Variants in PGAP1 observed in about 807,000 individuals in gnomAD.
PGAP1 encodes the protein GPI inositol-deacylase.
A neutral mutation model predicts 127.0 loss-of-function variants in PGAP1; 76 were observed. The ratio of observed to expected loss-of-function variants is 0.60; its 90% CI spans 0.50 to 0.72. The LOEUF (loss-of-function observed/expected upper bound fraction) is 0.72, where lower values mean the gene tolerates loss of function less well. PGAP1 is among the 30% of genes least tolerant of loss of function. The pLI is 0.00. For synonymous variants in PGAP1, 362 were observed against 366.5 expected, an observed-to-expected ratio of 0.99 and a Z score of 0.14; for missense variants, 982 against 1,071.3, an observed-to-expected ratio of 0.92 and a Z score of 1.16.
chr2:196,923,279 T>C, intron 1 of PGAP1, among the ~76,000 whole-genome samples: 1 of 152,188 alleles, frequency 6.6e-6, no homozygotes, highest in Non-Finnish European at 1.5e-5. Context: ...CATTACCACC[T>C]TCACATATAC....
In PGAP1 at chr2:196,844,055, T is replaced by TTA. The variant is rs767774867; in HGVS notation, c.2357_2358insTA (p.Arg786SerfsTer35). 27 of 1,586,110 alleles carry TTA rather than the reference T, an allele frequency of 1.7e-5. No homozygotes were observed. Among genetic ancestry groups the TTA allele is most frequent in the African/African-American group, 2.7e-5 (2 of 74,360 alleles). On this transcript the variant is annotated frameshift_variant, in exon 25 of 27. Coordinates refer to ENST00000354764, the MANE Select transcript of PGAP1 (RefSeq NM_024989.4). LOFTEE classifies it high-confidence loss of function. Reference sequence around the variant, plus strand: ...TATGATGATTGGATTTCTTTTCACTTCTTCTAGAGTGTTTGGGATTCTATA... The same window carrying TTA: ...TATGATGATTGGATTTCTTTTCACTTTACTTCTAGAGTGTTTGGGATTCTATA...
rs1700390962 is a variant in PGAP1, at chr2:196,840,878, T to C, written c.*356A>G. The C allele has an allele frequency of 5.8e-6, 1 of 173,136 alleles. No homozygotes were observed. The highest frequency in any genetic ancestry group is 1.2e-5 in the Non-Finnish European group (1 of 82,554). The allele number at this position is 173,136 out of a possible 1,614,324, so 10.7% of individuals were successfully genotyped here. A position where few individuals can be genotyped will look rare whatever the true frequency, so the allele number is the denominator to read the frequency against. On this transcript the variant is annotated 3_prime_UTR_variant, in exon 27 of 27. Transcript: ENST00000354764. ...AAGTTTGATGAAATGAGCAGAATGCTTGCAGTGAGACTGCAAATAATGCTG... is the reference window on the plus strand; with the variant it reads ...AAGTTTGATGAAATGAGCAGAATGCCTGCAGTGAGACTGCAAATAATGCTG...
At chr2:196,898,417 C>G in intron 5 of PGAP1, 48 bp from the exon 6 acceptor site, 1 of 1,290,214 alleles carries the variant, frequency 7.8e-7, no homozygotes, top group Non-Finnish European at 1.1e-6. Flanking sequence ...ATTTGTTATT[C>G]TCTAAAAGGT....
intron 4 of PGAP1, among the ~76,000 whole-genome samples, chr2:196,912,586 A>AG (rs1559369442): frequency 8.2e-6 from 1 of 121,720 alleles, no homozygotes; most frequent in East Asian, 2.1e-4. Flanking sequence ...TCTTTAAAAA[A>AG]AAAAAAAAAA....
chr2:196,890,787 T>A (rs1368507145), intron 10 of PGAP1, 41 bp downstream of exon 10: 3 of 1,150,790 alleles, frequency 2.6e-6, no homozygotes, highest in Non-Finnish European at 3.9e-6. Context: ...TGAACAACAG[T>A]TAGCCTCTTA....
chr2:196,922,595 C>CAG (rs1288779135), intron 1 of PGAP1: 4 of 830,674 alleles, frequency 4.8e-6, no homozygotes, highest in South Asian at 5.4e-5. Context: ...CACACACACA[C>CAG]ACACACACAC....
chr2:196,881,598 T>C (rs970665044), intron 12 of PGAP1, among the ~76,000 whole-genome samples: 9 of 152,242 alleles, frequency 5.9e-5, no homozygotes, highest in Admixed American at 4.6e-4. Flanking sequence ...GTGGTTTTGA[T>C]TTGCATTTCT....
At chr2:196,919,159 C>T (rs892511188) in intron 2 of PGAP1, among the ~76,000 whole-genome samples, 5 of 152,130 alleles carry the variant, frequency 3.3e-5, no homozygotes, top group Admixed American at 6.5e-5. Context: ...TATCTTCTAC[C>T]TCCTGAGTCT....
intron 20 of PGAP1, among the ~76,000 whole-genome samples, chr2:196,863,347 T>A (rs892351886): frequency 4.6e-5 from 7 of 151,992 alleles, no homozygotes; most frequent in African/African-American, 1.7e-4. Flanking sequence ...AGTGAATGGA[T>A]AAAGAAAATG....
chr2:196,868,999 A>G (rs1257112812), intron 19 of PGAP1, among the ~76,000 whole-genome samples: 2 of 152,190 alleles, frequency 1.3e-5, no homozygotes, highest in Non-Finnish European at 2.9e-5. Flanking sequence ...ATTTTTTTAT[A>G]GAACTAAGCT....
At chr2:196,867,336 G>T (rs966734143) in intron 19 of PGAP1, among the ~76,000 whole-genome samples, 1 of 152,172 alleles carries the variant, frequency 6.6e-6, no homozygotes, top group East Asian at 1.9e-4. Context: ...GGACATGGAT[G>T]AAGCTGGAAA....
At chr2:196,903,285 A>G (rs1404177068) in intron 4 of PGAP1, among the ~76,000 whole-genome samples, 2 of 151,870 alleles carry the variant, frequency 1.3e-5, no homozygotes, top group East Asian at 3.8e-4. Context: ...ATCCCTCCCT[A>G]TGATGGCAGT....
chr2:196,893,762 T>C (rs1702178739), intron 7 of PGAP1, among the ~76,000 whole-genome samples: 1 of 152,162 alleles, frequency 6.6e-6, no homozygotes, highest in Non-Finnish European at 1.5e-5. Context: ...ATTACTCTCT[T>C]TTATTCTATC....
chr2:196,905,590 G>A (rs562031581), intron 4 of PGAP1, among the ~76,000 whole-genome samples: 1 of 152,178 alleles, frequency 6.6e-6, no homozygotes, highest in Non-Finnish European at 1.5e-5. Context: ...TAATGCGGGA[G>A]GGAGGAGCCA....
intron 5 of PGAP1, among the ~76,000 whole-genome samples, chr2:196,900,907 A>G (rs1702465174): frequency 6.6e-6 from 1 of 152,182 alleles, no homozygotes; most frequent in Admixed American, 6.5e-5. Context: ...AGCCTGGGCT[A>G]CAGAGCGAGA....
intron 7 of PGAP1, 126 bp from the exon 8 acceptor site, chr2:196,893,371 C>CT (rs1702166483): frequency 4.1e-6 from 2 of 483,394 alleles, no homozygotes; most frequent in Non-Finnish European, 7.4e-6. Context: ...GTTCTGAGCA[C>CT]TGTACATAAA....
At chr2:196,900,485 T>C (rs1576177115) in intron 5 of PGAP1, among the ~76,000 whole-genome samples, 1 of 152,222 alleles carries the variant, frequency 6.6e-6, no homozygotes, top group South Asian at 2.1e-4. Context: ...TTAAAGGGAA[T>C]ATACATGTAG....
chr2:196,898,298 T>C lies in PGAP1; in HGVS notation c.860+19A>G. 1 of 1,565,940 alleles carries C rather than the reference T, an allele frequency of 6.4e-7. No individual in the cohort carries two copies. Among genetic ancestry groups the C allele is most frequent in the South Asian group, 1.1e-5 (1 of 88,162 alleles). On this transcript the variant is annotated intron_variant, in intron 6 of 26. Transcript: ENST00000354764. ...ACCATGACAACTCATCAAAACAAGT[T>C]ATACAAGTATTAACTTACCACACAA...
intron 26 of PGAP1, among the ~76,000 whole-genome samples, chr2:196,841,739 G>A (rs939342662): frequency 1.3e-5 from 2 of 152,032 alleles, no homozygotes; most frequent in Admixed American, 1.3e-4. Context: ...GGATGGTCTC[G>A]ATCTCCTGAC....
Sources: allele counts gnomAD v4.1 joint callset (sites outside exome capture counted in the v4.1 genomes callset), GRCh38; gene constraint gnomAD v4.1.1; transcripts MANE v1.5; gene names NCBI Gene and HGNC (gene_info 2026-07-23, HGNC 2026-07-21).